Variants in TLCD3B observed in about 807,000 individuals in gnomAD.
The protein encoded by TLCD3B is TLC domain containing 3B.
In TLCD3B, 9 loss-of-function variants were observed where a neutral mutation model predicts 23.0. The observed-to-expected ratio is 0.39, with a 90% CI of 0.24 to 0.68. The LOEUF (loss-of-function observed/expected upper bound fraction) is 0.68. Among genes scored for constraint, TLCD3B ranks in the 30% least tolerant of loss-of-function variants. The pLI is 0.44. For missense variants in TLCD3B, 307 were observed against 371.8 expected (o/e 0.83, Z 1.43); for synonymous variants, 161 against 161.0 (o/e 1.00, Z 0.00).
chr16:30,045,092 CAAAAAAAA>C lies in TLCD3B; in HGVS notation c.-229+1223_-229+1230del, dbSNP rs1162281544. ...TGGGCGACAAAGCAAGACTCCATCT[CAAAAAAAA>C]AAAAAAAAAAAAAAAAAAAGAACAA... On this transcript the variant is annotated intron_variant, in intron 2 of 6. Transcript: ENST00000561666. Among the ~76,000 whole-genome samples, 144 of 22,222 alleles carry C rather than the reference CAAAAAAAA, an allele frequency of 6.5e-3. 2 individuals carry two copies. In the East Asian group the frequency reaches 0.16, roughly 24 times the overall value. The allele number at this position is 22,222 out of a possible 152,430, so 14.6% of individuals were successfully genotyped here.
At chr16:30,039,272 C>G (rs1475576769) in intron 3 of TLCD3B, among the ~76,000 whole-genome samples, 1 of 151,898 alleles carries the variant, frequency 6.6e-6, no homozygotes, top group African/African-American at 2.4e-5. Context: ...TACAGCCATG[C>G]GCCACCACGC....
chr16:30,030,673 G>A lies in TLCD3B; in HGVS notation c.-146C>T. The A allele has an allele frequency of 1.6e-6, 2 of 1,228,524 alleles. No homozygotes were observed. Among genetic ancestry groups the A allele is most frequent in the Non-Finnish European group, 2.0e-6 (2 of 978,656 alleles). The allele number at this position is 1,228,524 out of a possible 1,614,324, so 76.1% of individuals were successfully genotyped here. A position where few individuals can be genotyped will look rare whatever the true frequency, so the allele number is the denominator to read the frequency against. On this transcript the variant is annotated 5_prime_UTR_variant, in exon 1 of 5. Transcript: ENST00000380495. ...AGGGGCACAAAGGGGCCAGGGCGGGGACGGGATGGGGCCAGGGAGTCCGAT... is the reference window on the plus strand; with the variant it reads ...AGGGGCACAAAGGGGCCAGGGCGGGAACGGGATGGGGCCAGGGAGTCCGAT...
intron 3 of TLCD3B, among the ~76,000 whole-genome samples, chr16:30,040,147 A>AAAATATATATATATATATATATATATAT: frequency 1.0e-5 from 1 of 95,896 alleles, no homozygotes; most frequent in African/African-American, 4.3e-5. Context: ...AAAAAAAAAA[A>AAAATATATATATATATATATATATATAT]ATATATATAT....
Position 30,047,585 on chromosome 16 carries a change from G to C in TLCD3B, c.-293-1198C>G, listed in dbSNP as rs568897743. 2.0e-5 allele frequency among the ~76,000 whole-genome samples: 3 copies of C among 151,812 alleles called. No homozygotes were observed. The East Asian group carries it at 5.9e-4, about 30-fold the overall frequency. ...GATCCGCCTGCCTCGGCCTCCCGCA[G>C]TGCTGGGATTACAGGTGAGAGCCAC... On this transcript the variant is annotated intron_variant, in intron 1 of 6. Coordinates refer to the TLCD3B transcript ENST00000561666.
intron 2 of TLCD3B, among the ~76,000 whole-genome samples, chr16:30,045,092 C>CAAAAAAAAAAAAAAAAAAAA (rs1162281544): frequency 1.3e-4 from 3 of 22,226 alleles, no homozygotes; most frequent in Admixed American, 8.2e-4. Context: ...GACTCCATCT[C>CAAAAAAAAAAAAAAAAAAAA]AAAAAAAAAA....
chr16:30,032,493 C>CTTG (rs1324646635), upstream of TLCD3B, among the ~76,000 whole-genome samples: 1 of 152,116 alleles, frequency 6.6e-6, no homozygotes, highest in Non-Finnish European at 1.5e-5. Context: ...GCGGACCTAG[C>CTTG]TCCTGTCCTC....
chr16:30,040,147 A>ATATATAT (rs1555475530), intron 3 of TLCD3B, among the ~76,000 whole-genome samples: 21 of 95,912 alleles, frequency 2.2e-4, no homozygotes, highest in South Asian at 3.5e-4. Context: ...AAAAAAAAAA[A>ATATATAT]ATATATATAT....
chr16:30,035,270 C>CT, upstream of TLCD3B: 1 of 1,265,546 alleles, frequency 7.9e-7, no homozygotes, highest in Non-Finnish European at 1.0e-6. Context: ...TCTGCTTTCA[C>CT]CACAAACTCA....
Position 30,025,676 on chromosome 16 carries a change from C to T in TLCD3B, c.540+50G>A. On this transcript the variant is annotated intron_variant, in intron 4 of 4. Transcript: ENST00000380495. This position sits in a 1 kb window ranked among gnomAD's most constrained non-coding sequence, Gnocchi z 4.1. ...GGCAGCAACCTTGAAGGTCCCTCCC[C>T]TTCCTGTGACCTCCCCATTGGGCTC... 2 of 1,583,260 alleles carry T rather than the reference C, an allele frequency of 1.3e-6. No individual in the cohort carries two copies. Among genetic ancestry groups the T allele is most frequent in the Non-Finnish European group, 8.7e-7 (1 of 1,152,324 alleles).
chr16:30,037,039 C>T (rs1435622163), intron 3 of TLCD3B, among the ~76,000 whole-genome samples: 1 of 150,486 alleles, frequency 6.6e-6, no homozygotes, highest in East Asian at 2.0e-4. Flanking sequence ...GAGCCGAGAT[C>T]TCGCCACTGC....
At chr16:30,037,638 G>A (rs926583929) in intron 3 of TLCD3B, among the ~76,000 whole-genome samples, 1 of 151,958 alleles carries the variant, frequency 6.6e-6, no homozygotes, top group South Asian at 2.1e-4. Context: ...TGAGGCGAAA[G>A]AATGGAAAGA....
intron 2 of TLCD3B, among the ~76,000 whole-genome samples, chr16:30,042,334 G>A (rs1205126515): frequency 6.6e-6 from 1 of 151,998 alleles, no homozygotes; most frequent in Non-Finnish European, 1.5e-5. Flanking sequence ...CCCCCGCTGG[G>A]TTCAAGCGAT....
intron 3 of TLCD3B, among the ~76,000 whole-genome samples, chr16:30,037,271 G>A (rs888322131): frequency 6.6e-6 from 1 of 151,698 alleles, no homozygotes; most frequent in African/African-American, 2.4e-5. Context: ...GGCCGGGCAC[G>A]GTGGCTCCCG....
chr16:30,052,631 A>C (rs2071782506), intron 1 of TLCD3B: 1 of 151,952 alleles, frequency 6.6e-6, no homozygotes, highest in Non-Finnish European at 1.5e-5. Context: ...CGGGAGGCGG[A>C]GGTTGCAGTG....
Position 30,025,818 on chromosome 16 carries a change from A to T in TLCD3B, c.448T>A (p.Trp150Arg). 1 of 1,613,414 alleles carries T rather than the reference A, an allele frequency of 6.2e-7. No individual in the cohort carries two copies. The highest frequency in any genetic ancestry group is 8.5e-7 in the Non-Finnish European group (1 of 1,179,618). ...AAGAAGTCTCCCTTACCCTGTCGCCACACCTGGGCACAGAGGCAGGAAGGT... is the reference window on the plus strand; with the variant it reads ...AAGAAGTCTCCCTTACCCTGTCGCCTCACCTGGGCACAGAGGCAGGAAGGT... The part of the protein sequence containing the change: ...VLVCFPLSVV[W>R]RQGKGDFFLG... The change falls in exon 4 of 5, where the codon TGG becomes AGG. Residue 150 changes from tryptophan (W) to arginine (R), a missense_variant. Trp to Arg is a moderately radical substitution (Grantham distance 101). Transcript: ENST00000380495. This position sits in a 1 kb window ranked among gnomAD's most constrained non-coding sequence, Gnocchi z 4.1.
intron 1 of TLCD3B, among the ~76,000 whole-genome samples, chr16:30,052,447 A>T (rs1360045198): frequency 6.6e-6 from 1 of 151,770 alleles, no homozygotes. Flanking sequence ...CTATAATCCC[A>T]GCACTTTGGG....
intron 2 of TLCD3B, among the ~76,000 whole-genome samples, chr16:30,044,482 T>C (rs144105330): frequency 5.1e-4 from 78 of 151,940 alleles, no homozygotes; most frequent in African/African-American, 1.9e-3. Flanking sequence ...TAATTGTTTG[T>C]ATTTTTTTTA....
At chr16:30,050,367 C>T (rs570381487) in intron 1 of TLCD3B, among the ~76,000 whole-genome samples, 19 of 152,010 alleles carry the variant, frequency 1.2e-4, no homozygotes, top group South Asian at 4.2e-4. Context: ...AGTGAGACCC[C>T]GTCTATACAA....
chr16:30,030,206 G>T, intron 1 of TLCD3B, 197 bp downstream of exon 1: 1 of 1,298,370 alleles, frequency 7.7e-7, no homozygotes, highest in Non-Finnish European at 1.1e-6. Context: ...AGACCAGATG[G>T]CCGGGCTGGA....
Sources: gnomAD v4.1 joint callset for allele counts (sites outside exome capture counted in the v4.1 genomes callset) on GRCh38, gnomAD v4.1.1 for gene constraint, Gnocchi (gnomAD v3.1) non-coding constraint, MANE v1.5 for transcripts, NCBI Gene and HGNC (gene_info 2026-07-23, HGNC 2026-07-21) for gene names.